The following SLC24A3 variants were observed in gnomAD, a reference collection of about 807,000 sequenced individuals.
SLC24A3 encodes the protein solute carrier family 24 member 3.
Under a neutral mutation model 75.8 loss-of-function variants are expected in SLC24A3, and 28 were observed. That is an observed-to-expected ratio of 0.37 (90% CI 0.27 to 0.51). SLC24A3 has a LOEUF of 0.51. SLC24A3 is among the 20% of genes least tolerant of loss of function. The pLI, the probability that SLC24A3 is intolerant of heterozygous loss-of-function variation, is 0.94. For synonymous variants in SLC24A3, 372 were observed against 334.1 expected, an observed-to-expected ratio of 1.11 and a Z score of -1.24; for missense variants, 663 against 847.8, an observed-to-expected ratio of 0.78 and a Z score of 2.71.
At chr20:19,496,100 C>T (rs1035360560) in intron 2 of SLC24A3, among the ~76,000 whole-genome samples, 4 of 152,210 alleles carry the variant, frequency 2.6e-5, no homozygotes, top group Non-Finnish European at 4.4e-5. Context: ...TGGGACACCC[C>T]GGCTCCCTTT....
At chr20:19,525,358 G>A (rs2122568938) in intron 3 of SLC24A3, among the ~76,000 whole-genome samples, 1 of 152,276 alleles carries the variant, frequency 6.6e-6, no homozygotes, top group East Asian at 1.9e-4. Context: ...CCTCAGACAA[G>A]GAGGCCAGGG....
At chr20:19,242,780 T>G (rs940249544) in intron 1 of SLC24A3, among the ~76,000 whole-genome samples, 2 of 152,232 alleles carry the variant, frequency 1.3e-5, no homozygotes, top group Non-Finnish European at 2.9e-5. Flanking sequence ...AAAATTGGTT[T>G]CTTTCATAGT....
chr20:19,440,565 A>G (rs1001992672), intron 2 of SLC24A3, among the ~76,000 whole-genome samples: 6 of 151,792 alleles, frequency 4.0e-5, no homozygotes, highest in African/African-American at 1.5e-4. Flanking sequence ...GACAACGAAC[A>G]TTTCCTTACT....
At chr20:19,537,480 G>C (rs1239760070) in intron 3 of SLC24A3, among the ~76,000 whole-genome samples, 1 of 152,076 alleles carries the variant, frequency 6.6e-6, no homozygotes, top group Non-Finnish European at 1.5e-5. Context: ...GATTCCTCAG[G>C]GATCTAGAAC....
At chr20:19,714,920 C>T (rs1252038987) in intron 15 of SLC24A3, among the ~76,000 whole-genome samples, 1 of 152,200 alleles carries the variant, frequency 6.6e-6, no homozygotes, top group Non-Finnish European at 1.5e-5. Flanking sequence ...CATGAAATCA[C>T]TTTACTAAGT....
At chr20:19,468,683 T>C (rs1298238521) in intron 2 of SLC24A3, among the ~76,000 whole-genome samples, 2 of 152,192 alleles carry the variant, frequency 1.3e-5, no homozygotes, top group Non-Finnish European at 2.9e-5. Flanking sequence ...GGAGCTTCCA[T>C]GGCCTGTTTA....
At chr20:19,495,729 C>T (rs548693143) in intron 2 of SLC24A3, among the ~76,000 whole-genome samples, 1 of 152,314 alleles carries the variant, frequency 6.6e-6, no homozygotes, top group South Asian at 2.1e-4. Context: ...TCTAGAACTT[C>T]CCTTTCTGTT....
chr20:19,494,443 C>T (rs531012175), intron 2 of SLC24A3, among the ~76,000 whole-genome samples: 1 of 152,276 alleles, frequency 6.6e-6, no homozygotes, highest in South Asian at 2.1e-4. Context: ...CATTGCCTTC[C>T]AAGTAATGAA....
At chr20:19,508,579 AAGC>A (rs1188256975) in intron 2 of SLC24A3, among the ~76,000 whole-genome samples, 2 of 152,212 alleles carry the variant, frequency 1.3e-5, no homozygotes, top group Admixed American at 6.5e-5. Context: ...GGTCTCATGA[AAGC>A]AGCCAGGAGG....
intron 9 of SLC24A3, among the ~76,000 whole-genome samples, chr20:19,680,882 C>T (rs2032605784): frequency 6.6e-6 from 1 of 152,206 alleles, no homozygotes; most frequent in African/African-American, 2.4e-5. Flanking sequence ...GGTTGAGTGG[C>T]CTTCCAGCTG....
At chr20:19,531,164 G>T (rs2030291575) in intron 3 of SLC24A3, among the ~76,000 whole-genome samples, 1 of 152,020 alleles carries the variant, frequency 6.6e-6, no homozygotes, top group Non-Finnish European at 1.5e-5. Context: ...CTGCTCTGCT[G>T]TAAGCCCAGC....
At chr20:19,216,014 C>T (rs919787795) in intron 1 of SLC24A3, among the ~76,000 whole-genome samples, 5 of 152,154 alleles carry the variant, frequency 3.3e-5, no homozygotes, top group Non-Finnish European at 5.9e-5. Flanking sequence ...CCAGGCAATG[C>T]GCTATTCCCA....
chr20:19,472,895 C>T (rs112248038), intron 2 of SLC24A3, among the ~76,000 whole-genome samples: 213 of 152,316 alleles, frequency 1.4e-3, no homozygotes, highest in Non-Finnish European at 2.5e-3. Context: ...CATACAGGGC[C>T]GGCATCAGCA....
intron 3 of SLC24A3, among the ~76,000 whole-genome samples, chr20:19,542,490 G>GTGT (rs1344596130): frequency 3.9e-5 from 6 of 152,148 alleles, no homozygotes; most frequent in Non-Finnish European, 8.8e-5. Flanking sequence ...TCTTCCTGCT[G>GTGT]TGTTGTTGTT....
intron 2 of SLC24A3, among the ~76,000 whole-genome samples, chr20:19,430,538 G>A (rs1200419723): frequency 6.6e-6 from 1 of 152,188 alleles, no homozygotes; most frequent in Non-Finnish European, 1.5e-5. Context: ...AAAACAGAAC[G>A]TGGACTATAG....
intron 1 of SLC24A3, chr20:19,264,020 G>A (rs956493306): frequency 2.0e-5 from 3 of 151,342 alleles, no homozygotes; most frequent in Admixed American, 1.3e-4. Flanking sequence ...ACAGGAGTTC[G>A]AGACTAGCCT....
At chr20:19,226,935 G>T (rs548059915) in intron 1 of SLC24A3, among the ~76,000 whole-genome samples, 1 of 152,106 alleles carries the variant, frequency 6.6e-6, no homozygotes, top group Non-Finnish European at 1.5e-5. Flanking sequence ...TCACTTTGAT[G>T]ACTGTTCTTG....
At chr20:19,705,347 C>T (rs1218133352) in intron 15 of SLC24A3, among the ~76,000 whole-genome samples, 1 of 152,148 alleles carries the variant, frequency 6.6e-6, no homozygotes, top group Non-Finnish European at 1.5e-5. Context: ...CTCCCTGGCT[C>T]TCTTTGGGTG....
At chr20:19,356,722 G>C (rs963964306) in intron 2 of SLC24A3, among the ~76,000 whole-genome samples, 9 of 152,002 alleles carry the variant, frequency 5.9e-5, no homozygotes, top group African/African-American at 2.2e-4. Flanking sequence ...GTGCATCCTT[G>C]GTATCTACAG....
Sources: allele counts gnomAD v4.1 joint callset (sites outside exome capture counted in the v4.1 genomes callset), GRCh38; gene constraint gnomAD v4.1.1; transcripts MANE v1.5; gene names NCBI Gene and HGNC (gene_info 2026-07-23, HGNC 2026-07-21).